The following MACROD2 variants were observed in gnomAD, a reference collection of about 807,000 sequenced individuals.
MACROD2 encodes the protein ADP-ribose glycohydrolase MACROD2.
A neutral mutation model predicts 70.4 loss-of-function variants in MACROD2; 36 were observed. That is an observed-to-expected ratio of 0.51 (90% CI 0.39 to 0.68). MACROD2 has a LOEUF of 0.68. MACROD2 is among the 30% of genes least tolerant of loss of function. MACROD2 has a pLI of 0.00. For synonymous variants in MACROD2, 172 were observed against 178.8 expected (o/e 0.96, Z 0.30); for missense variants, 496 against 538.4 (o/e 0.92, Z 0.78).
intron 5 of MACROD2, among the ~76,000 whole-genome samples, chr20:14,901,780 G>C (rs973550801): frequency 6.6e-6 from 1 of 152,098 alleles, no homozygotes. Context: ...AGTTTCTCTA[G>C]CCTCATTTGC....
At chr20:15,038,291 A>C (rs1405783776) in intron 5 of MACROD2, among the ~76,000 whole-genome samples, 2 of 152,200 alleles carry the variant, frequency 1.3e-5, no homozygotes, top group Non-Finnish European at 2.9e-5. Context: ...GGTTATGTAC[A>C]TGATTAACTT....
intron 5 of MACROD2, among the ~76,000 whole-genome samples, chr20:15,008,078 A>G (rs2075053942): frequency 2.0e-5 from 3 of 152,226 alleles, no homozygotes; most frequent in African/African-American, 7.2e-5. Flanking sequence ...CTTTCTTTCT[A>G]TGAAAATAAG....
Position 15,802,515 on chromosome 20 carries a change from C to A in MACROD2, c.646-60230C>A, listed in dbSNP as rs1330580173. Among the ~76,000 whole-genome samples, 4 of 152,134 alleles carry A rather than the reference C, an allele frequency of 2.6e-5. No homozygotes were observed. The East Asian group carries it at 5.8e-4, about 22-fold the overall frequency. On this transcript the variant is annotated intron_variant, in intron 8 of 17. Transcript: ENST00000684519. The stretch of plus-strand genomic sequence containing the variant: ...CATTTATTTGTGTATGTTGAACTGT[C>A]CTTGCATCCCTGGGATAAATATCAC...
intron 5 of MACROD2, among the ~76,000 whole-genome samples, chr20:15,039,323 C>A (rs1038328136): frequency 2.0e-5 from 3 of 152,140 alleles, no homozygotes; most frequent in African/African-American, 7.2e-5. Flanking sequence ...GGGCAAGACA[C>A]CTGGCACAAG....
intron 15 of MACROD2, among the ~76,000 whole-genome samples, chr20:15,991,903 G>C (rs1357496467): frequency 6.6e-6 from 1 of 151,960 alleles, no homozygotes; most frequent in South Asian, 2.1e-4. Flanking sequence ...TCCTCATATT[G>C]GTTAAGTACC....
chr20:15,614,782 T>C (rs986275919), intron 8 of MACROD2, among the ~76,000 whole-genome samples: 2 of 152,204 alleles, frequency 1.3e-5, no homozygotes, highest in African/African-American at 4.8e-5. Flanking sequence ...TTTGATAACA[T>C]ACAGAATAAT....
intron 3 of MACROD2, among the ~76,000 whole-genome samples, chr20:14,117,961 G>A (rs1390397691): frequency 6.6e-6 from 1 of 152,126 alleles, no homozygotes; most frequent in Non-Finnish European, 1.5e-5. Context: ...GCACATTTAA[G>A]AAAGGAAGAT....
intron 7 of MACROD2, among the ~76,000 whole-genome samples, chr20:15,442,882 AT>A (rs1319840336): frequency 7.2e-5 from 11 of 152,154 alleles, no homozygotes; most frequent in African/African-American, 2.7e-4. Context: ...AAATGTCTTT[AT>A]AATGCTGAGT....
rs568635889 is a variant in MACROD2, at chr20:14,518,082, C to G, written c.301+24574C>G. On this transcript the variant is annotated intron_variant, in intron 4 of 17. Transcript: ENST00000684519. ...GACGTTGTAATTCTATTTTTCATTG[C>G]TTACTTTACATATTTTATATGATTT... 3.3e-5 allele frequency among the ~76,000 whole-genome samples: 5 copies of G among 152,040 alleles called. No individual in the cohort carries two copies. The South Asian group carries it at 1.0e-3, about 32-fold the overall frequency.
At chr20:15,453,930 G>T (rs977565623) in intron 7 of MACROD2, among the ~76,000 whole-genome samples, 15 of 152,120 alleles carry the variant, frequency 9.9e-5, no homozygotes, top group Non-Finnish European at 1.6e-4. Flanking sequence ...GATTTGTGCT[G>T]GAGTGTGGAT....
At chr20:15,362,701 G>A (rs1206818906) in intron 6 of MACROD2, among the ~76,000 whole-genome samples, 1 of 151,882 alleles carries the variant, frequency 6.6e-6, no homozygotes, top group East Asian at 1.9e-4. Flanking sequence ...ATAAATTGTT[G>A]AATGTATAGG....
At chr20:15,283,782 C>T (rs1370460211) in intron 6 of MACROD2, among the ~76,000 whole-genome samples, 2 of 152,136 alleles carry the variant, frequency 1.3e-5, no homozygotes, top group Admixed American at 6.6e-5. Flanking sequence ...TTTTTCTGTA[C>T]ACAACCCAGT....
At chr20:14,513,749 C>G (rs1273398287) in intron 4 of MACROD2, among the ~76,000 whole-genome samples, 5 of 152,038 alleles carry the variant, frequency 3.3e-5, no homozygotes, top group Non-Finnish European at 5.9e-5. Context: ...TACAACAAAG[C>G]ATTTTATGAC....
rs542198797 is a variant in MACROD2, at chr20:15,487,696, G to GA, written c.572-12074dup. Among the ~76,000 whole-genome samples the GA allele has an allele frequency of 2.3e-4, 35 of 152,218 alleles. No homozygotes were observed. The East Asian group carries it at 6.8e-3, about 29-fold the overall frequency. ...AAGGTCTGTCTTAAGATTCAAACATGAAAAGGAAAGATTCTCCATGCCAAA... is the reference window on the plus strand; with the variant it reads ...AAGGTCTGTCTTAAGATTCAAACATGAAAAAGGAAAGATTCTCCATGCCAAA... On this transcript the variant is annotated intron_variant, in intron 7 of 17. Coordinates refer to ENST00000684519, the MANE Select transcript of MACROD2 (RefSeq NM_001351661.2).
At chr20:15,034,048 A>G (rs2075295295) in intron 5 of MACROD2, among the ~76,000 whole-genome samples, 1 of 152,226 alleles carries the variant, frequency 6.6e-6, no homozygotes, top group South Asian at 2.1e-4. Context: ...GGCACAAAAT[A>G]TACAGGAAGA....
rs569616908 is a variant in MACROD2 at position 14,691,636 on chromosome 20, G to A, written c.418+6677G>A. On this transcript the variant is annotated intron_variant, in intron 5 of 17. Transcript: ENST00000684519. ...ACAGGAAATGCAGTTTCTAGAGCAGGTAATTCATAAGATGGTTCTGAGTTA... is the reference window on the plus strand; with the variant it reads ...ACAGGAAATGCAGTTTCTAGAGCAGATAATTCATAAGATGGTTCTGAGTTA... Among the ~76,000 whole-genome samples the A allele has an allele frequency of 3.9e-4, 60 of 152,278 alleles. No individual in the cohort carries two copies. The Middle Eastern group carries it at 0.01, about 26-fold the overall frequency.
chr20:15,599,486 T>C (rs750740299), intron 8 of MACROD2, among the ~76,000 whole-genome samples: 1 of 152,076 alleles, frequency 6.6e-6, no homozygotes, highest in Non-Finnish European at 1.5e-5. Flanking sequence ...CAAACACCAA[T>C]AACTGTTCTT....
intron 2 of MACROD2, among the ~76,000 whole-genome samples, chr20:14,073,172 C>T (rs563202795): frequency 1.2e-3 from 178 of 151,940 alleles, no homozygotes; most frequent in African/African-American, 4.3e-3. Flanking sequence ...CCCATCTCTA[C>T]TAAAAATACA....
chr20:14,460,721 G>A (rs559335589), intron 3 of MACROD2, among the ~76,000 whole-genome samples: 2 of 152,148 alleles, frequency 1.3e-5, no homozygotes, highest in East Asian at 1.9e-4. Flanking sequence ...AATGGATTAC[G>A]TTTATTGATT....
Sources: gnomAD v4.1 joint callset for allele counts (sites outside exome capture counted in the v4.1 genomes callset) on GRCh38, gnomAD v4.1.1 for gene constraint, MANE v1.5 for transcripts, NCBI Gene and HGNC (gene_info 2026-07-23, HGNC 2026-07-21) for gene names.